SIRPA: variants seen among roughly 807,000 people sequenced by gnomAD.
SIRPA encodes signal regulatory protein alpha.
Under a neutral mutation model 50.3 loss-of-function variants are expected in SIRPA, and 9 were observed. The ratio of observed to expected loss-of-function variants is 0.18; its 90% CI spans 0.11 to 0.31. The LOEUF is 0.31. Ranked by LOEUF, SIRPA falls within the 10% of genes least tolerant of loss-of-function variation. The probability of loss-of-function intolerance (pLI) is 1.00; values close to 1 mark genes in which losing one functional copy is unlikely to be tolerated. For missense variants in SIRPA, 474 were observed against 661.6 expected, an observed-to-expected ratio of 0.72 and a Z score of 3.11; for synonymous variants, 265 against 284.1, an observed-to-expected ratio of 0.93 and a Z score of 0.68.
Position 1,932,872 on chromosome 20 carries a change from C to T in SIRPA, c.1227-1843C>T, listed in dbSNP as rs1003060075. Among the ~76,000 whole-genome samples, 12 of 152,042 alleles carry T rather than the reference C, an allele frequency of 7.9e-5. No homozygotes were observed. Among genetic ancestry groups the T allele is most frequent in the South Asian group, 2.1e-4 (1 of 4,828 alleles). On this transcript the variant is annotated intron_variant, in intron 6 of 7. Transcript: ENST00000358771. This position sits in a 1 kb window ranked among gnomAD's most constrained non-coding sequence, Gnocchi z 6.0. The stretch of plus-strand genomic sequence containing the variant: ...TTCTCCAGCCTGAGCACAGGATGAC[C>T]GATGGTAGAGCTATTCACTGAAATA...
intron 1 of SIRPA, among the ~76,000 whole-genome samples, chr20:1,903,136 G>T (rs750000366): frequency 6.6e-6 from 1 of 152,154 alleles, no homozygotes; most frequent in East Asian, 1.9e-4. Flanking sequence ...GAATGAGCTT[G>T]TATGTTCCAG....
Position 1,924,904 on chromosome 20 carries a change from A to G in SIRPA, c.1201+27A>G. ...TGGGTGCATTCCCCTCTTCCTCCCT[A>G]AGGGTTTGTCCCTGGACTGTCCTCG... On this transcript the variant is annotated intron_variant, in intron 5 of 7. Coordinates refer to ENST00000358771, the MANE Select transcript of SIRPA (RefSeq NM_001040023.2). The surrounding 1 kb of genome is among the most constrained non-coding windows in gnomAD (Gnocchi z 4.5). The G allele has an allele frequency of 6.3e-7, 1 of 1,576,638 alleles. No homozygotes were observed. Among genetic ancestry groups the G allele is most frequent in the East Asian group, 2.2e-5 (1 of 44,664 alleles).
At chr20:1,914,974 A>G (rs1000671410) in intron 1 of SIRPA, 125 bp from the exon 2 acceptor site, 7 of 817,128 alleles carry the variant, frequency 8.6e-6, no homozygotes, top group Non-Finnish European at 1.4e-5. Context: ...TGATACATGC[A>G]CTATACTGAT....
In SIRPA at chr20:1,928,535, C is replaced by G. The variant is rs553049799; in HGVS notation, c.1226+636C>G. Among the ~76,000 whole-genome samples the G allele has an allele frequency of 6.6e-6, 1 of 152,256 alleles. No individual in the cohort carries two copies. The highest frequency in any genetic ancestry group is 2.1e-4 in the South Asian group (1 of 4,826). ...AGCCCAGGCTTTCATGGGGCTCAGACGCCGGTGAGAGAAACAGGCATAAAC... is the reference window on the plus strand; with the variant it reads ...AGCCCAGGCTTTCATGGGGCTCAGAGGCCGGTGAGAGAAACAGGCATAAAC... On this transcript the variant is annotated intron_variant, in intron 6 of 7. Coordinates refer to ENST00000358771, the MANE Select transcript of SIRPA (RefSeq NM_001040023.2). The surrounding 1 kb of genome is among the most constrained non-coding windows in gnomAD (Gnocchi z 4.9).
rs538613207 is a variant in SIRPA at position 1,937,783 on chromosome 20, C to T, written c.*215C>T. 50 of 625,632 alleles carry T rather than the reference C, an allele frequency of 8.0e-5. No homozygotes were observed. The African/African-American group carries it at 8.1e-4, about 10-fold the overall frequency. 38.8% of individuals were successfully genotyped at this position (625,632 alleles called of 1,614,324 possible). On this transcript the variant is annotated 3_prime_UTR_variant, in exon 8 of 8. Transcript: ENST00000358771. This position sits in a 1 kb window ranked among gnomAD's most constrained non-coding sequence, Gnocchi z 8.3. Reference sequence around the variant, plus strand: ...CCCCCTCCCCCCACATTGCCACATACCTGGAGGCTGACGTTGCCAAACCAG... The same window carrying T: ...CCCCCTCCCCCCACATTGCCACATATCTGGAGGCTGACGTTGCCAAACCAG...
chr20:1,912,642 T>TA (rs1984962188), intron 1 of SIRPA, among the ~76,000 whole-genome samples: 1 of 152,234 alleles, frequency 6.6e-6, no homozygotes, highest in Non-Finnish European at 1.5e-5. Flanking sequence ...AATTAAAACT[T>TA]ACCCAGCACC....
At position 1,928,979 on chromosome 20, in the gene SIRPA, TC is replaced by T. The variant is rs1289778124; in HGVS notation, c.1226+1082del. 6.6e-6 allele frequency among the ~76,000 whole-genome samples: 1 copy of T among 152,136 alleles called. No homozygotes were observed. Among genetic ancestry groups the T allele is most frequent in the Non-Finnish European group, 1.5e-5 (1 of 68,020 alleles). On this transcript the variant is annotated intron_variant, in intron 6 of 7. Coordinates refer to ENST00000358771, the MANE Select transcript of SIRPA (RefSeq NM_001040023.2). This position sits in a 1 kb window ranked among gnomAD's most constrained non-coding sequence, Gnocchi z 4.9. ...CCATCTGCATAGAACCATGTGGACA[TC>T]CGTGCTAAGAGTGATAAATAAAACT...
chr20:1,916,423 G>A (rs1467693333), intron 2 of SIRPA, among the ~76,000 whole-genome samples: 2 of 152,172 alleles, frequency 1.3e-5, no homozygotes, highest in African/African-American at 4.8e-5. Context: ...CTGATTCCAG[G>A]GAGGCTCCTT....
At chr20:1,908,741 C>T (rs1984703463) in intron 1 of SIRPA, among the ~76,000 whole-genome samples, 1 of 151,896 alleles carries the variant, frequency 6.6e-6, no homozygotes, top group Admixed American at 6.5e-5. Flanking sequence ...GTACTACATC[C>T]TGTGTGCATC....
intron 2 of SIRPA, among the ~76,000 whole-genome samples, chr20:1,915,909 A>C (rs1364219930): frequency 3.3e-5 from 5 of 152,154 alleles, no homozygotes; most frequent in African/African-American, 9.7e-5. Flanking sequence ...CCCTTCCAAT[A>C]AGAGATCCAC....
chr20:1,904,901 C>G (rs1984455708), intron 1 of SIRPA, among the ~76,000 whole-genome samples: 1 of 152,128 alleles, frequency 6.6e-6, no homozygotes, highest in Non-Finnish European at 1.5e-5. Flanking sequence ...GGCTTCTGCT[C>G]TGGGGCACAT....
rs1280464303 is a variant in SIRPA at position 1,928,770 on chromosome 20, G to A, written c.1226+871G>A. Among the ~76,000 whole-genome samples the A allele has an allele frequency of 2.0e-5, 3 of 152,144 alleles. No individual in the cohort carries two copies. Among genetic ancestry groups the A allele is most frequent in the Non-Finnish European group, 4.4e-5 (3 of 68,032 alleles). ...GGCCTGTGTGCTGGGCCAGAGGGAA[G>A]GAGAGGAAGAAGATAAGGTCAGGAA... On this transcript the variant is annotated intron_variant, in intron 6 of 7. Coordinates refer to ENST00000358771, the MANE Select transcript of SIRPA (RefSeq NM_001040023.2). The surrounding 1 kb of genome is among the most constrained non-coding windows in gnomAD (Gnocchi z 4.9).
intron 2 of SIRPA, among the ~76,000 whole-genome samples, chr20:1,919,150 A>G (rs1038712676): frequency 2.0e-5 from 3 of 152,258 alleles, no homozygotes; most frequent in Admixed American, 6.5e-5. Context: ...TCAAGGATAA[A>G]TGGTCCTTAG....
rs1986597826 is a variant in SIRPA, at chr20:1,936,762, C to T, written c.1267-558C>T. 6.6e-6 allele frequency among the ~76,000 whole-genome samples: 1 copy of T among 152,192 alleles called. No homozygotes were observed. Among genetic ancestry groups the T allele is most frequent in the South Asian group, 2.1e-4 (1 of 4,832 alleles). ...ACATTAATGAATGTCCCCACACGTA[C>T]CACCATCAGCAGCACCTCCTCAGGC... On this transcript the variant is annotated intron_variant, in intron 7 of 7. Transcript: ENST00000358771. The surrounding 1 kb of genome is among the most constrained non-coding windows in gnomAD (Gnocchi z 4.2).
rs764665145 is a variant in SIRPA, at chr20:1,927,887, C to G, written c.1214C>G (p.Thr405Ser). Residue 405 changes from threonine to serine, a missense_variant, in exon 6 of 8, where the codon ACT becomes AGT. Coordinates refer to ENST00000358771, the MANE Select transcript of SIRPA (RefSeq NM_001040023.2). The surrounding 1 kb of genome is among the most constrained non-coding windows in gnomAD (Gnocchi z 6.5). ...RIRQKKAQGS[T>S]SSTRLHEPEK... ...TTTTGTCTTTCAGCCCAGGGCTCCACTTCTTCTACAAGGTAAGTGCATCAT... is the reference window on the plus strand; with the variant it reads ...TTTTGTCTTTCAGCCCAGGGCTCCAGTTCTTCTACAAGGTAAGTGCATCAT... 1 of 1,613,934 alleles carries G rather than the reference C, an allele frequency of 6.2e-7. No homozygotes were observed. Among genetic ancestry groups the G allele is most frequent in the South Asian group, 1.1e-5 (1 of 91,080 alleles).
rs185501330 is a variant in SIRPA at position 1,927,331 on chromosome 20, A to G, written c.1202-544A>G. 6.6e-6 allele frequency among the ~76,000 whole-genome samples: 1 copy of G among 152,206 alleles called. No individual in the cohort carries two copies. Among genetic ancestry groups the G allele is most frequent in the East Asian group, 1.9e-4 (1 of 5,170 alleles). On this transcript the variant is annotated intron_variant, in intron 5 of 7. Transcript: ENST00000358771. This position sits in a 1 kb window ranked among gnomAD's most constrained non-coding sequence, Gnocchi z 6.5. ...GATGGACACTTTCTTTCCTTCCAAG[A>G]TCCTTTTTTTGGAAAGTGGTGGCAT...
At position 1,937,188 on chromosome 20, in the gene SIRPA, T is replaced by C. The variant is rs75686870; in HGVS notation, c.1267-132T>C. ...ACGTTGGCAAGAGATGAGGGGAACA[T>C]GACTTATGGCTGAGCCAGTGTGGGC... On this transcript the variant is annotated intron_variant, in intron 7 of 7. Coordinates refer to ENST00000358771, the MANE Select transcript of SIRPA (RefSeq NM_001040023.2). The surrounding 1 kb of genome is among the most constrained non-coding windows in gnomAD (Gnocchi z 8.3). 5,460 of 1,101,360 alleles carry C rather than the reference T, an allele frequency of 5.0e-3. 178 individuals carry two copies. The African/African-American group carries it at 0.074, about 15-fold the overall frequency. The allele number at this position is 1,101,360 out of a possible 1,614,324, so 68.2% of individuals were successfully genotyped here. A position where few individuals can be genotyped will look rare whatever the true frequency, so the allele number is the denominator to read the frequency against.
chr20:1,909,141 A>G (rs967525070), intron 1 of SIRPA, among the ~76,000 whole-genome samples: 1 of 152,334 alleles, frequency 6.6e-6, no homozygotes, highest in Middle Eastern at 3.4e-3. Flanking sequence ...CCACTTTAGA[A>G]TGTTGAGCCC....
intron 1 of SIRPA, among the ~76,000 whole-genome samples, chr20:1,908,962 C>T (rs1308685684): frequency 6.6e-6 from 1 of 152,224 alleles, no homozygotes; most frequent in Non-Finnish European, 1.5e-5. Flanking sequence ...CTTTAATGCA[C>T]ACTCTTGCAC....
Sources: gnomAD v4.1 joint callset for allele counts (sites outside exome capture counted in the v4.1 genomes callset) on GRCh38, gnomAD v4.1.1 for gene constraint, Gnocchi (gnomAD v3.1) non-coding constraint, MANE v1.5 for transcripts, NCBI Gene and HGNC (gene_info 2026-07-23, HGNC 2026-07-21) for gene names.